Variants in PDE1C observed in about 807,000 individuals in gnomAD.
PDE1C encodes the protein dual specificity calcium/calmodulin-dependent 3',5'-cyclic nucleotide phosphodiesterase 1C.
A neutral mutation model predicts 93.1 loss-of-function variants in PDE1C; 62 were observed. The observed-to-expected ratio is 0.67, with a 90% CI of 0.54 to 0.82. PDE1C has a LOEUF of 0.82. Ranked by LOEUF, PDE1C falls within the 40% of genes least tolerant of loss-of-function variation. The probability of loss-of-function intolerance (pLI) is 0.00; values close to 1 mark genes in which losing one functional copy is unlikely to be tolerated. For missense variants in PDE1C, 742 were observed against 884.6 expected (o/e 0.84, Z 2.04); for synonymous variants, 325 against 310.1 (o/e 1.05, Z -0.50).
chr7:32,381,363 G>A (rs1784531282), intron 1 of PDE1C, among the ~76,000 whole-genome samples: 1 of 151,946 alleles, frequency 6.6e-6, no homozygotes, highest in Non-Finnish European at 1.5e-5. Context: ...TGCACCCTTG[G>A]GGAAGTTTCA....
At chr7:32,338,016 T>C (rs1241937222) in intron 1 of PDE1C, among the ~76,000 whole-genome samples, 1 of 152,088 alleles carries the variant, frequency 6.6e-6, no homozygotes, top group Non-Finnish European at 1.5e-5. Context: ...TAAACACTCA[T>C]AGAAGAAAAC....
intron 3 of PDE1C, among the ~76,000 whole-genome samples, chr7:32,134,067 A>C (rs1800073461): frequency 6.6e-6 from 1 of 152,092 alleles, no homozygotes; most frequent in South Asian, 2.1e-4. Context: ...AGATTTGGTG[A>C]ATTTGAAAAT....
chr7:32,264,931 A>T (rs1158937162), intron 1 of PDE1C, among the ~76,000 whole-genome samples: 1 of 152,210 alleles, frequency 6.6e-6, no homozygotes. Context: ...TTCACACTAC[A>T]ATGTCCTCTA....
At chr7:31,678,340 C>T in the PDE1C span, among the ~76,000 whole-genome samples, 1 of 151,950 alleles carries the variant, frequency 6.6e-6, no homozygotes, top group Non-Finnish European at 1.5e-5. Context: ...ATCATAAACC[C>T]GGTATAAAAT....
intron 1 of PDE1C, among the ~76,000 whole-genome samples, chr7:32,322,891 C>T (rs952019499): frequency 1.3e-5 from 2 of 152,086 alleles, no homozygotes; most frequent in African/African-American, 4.8e-5. Context: ...GGATTACAGG[C>T]GTGAGCCACC....
chr7:32,388,678 TAAAAAAAAAAAA>T (rs5883343), intron 1 of PDE1C, among the ~76,000 whole-genome samples: 46 of 81,576 alleles, frequency 5.6e-4, no homozygotes, highest in African/African-American at 2.1e-3. Context: ...GTCCCATTTC[TAAAAAAAAAAAA>T]AAAAAAAAAA....
chr7:31,898,723 T>C (rs889198855), intron 2 of PDE1C, among the ~76,000 whole-genome samples: 4 of 152,250 alleles, frequency 2.6e-5, no homozygotes, highest in Non-Finnish European at 4.4e-5. Context: ...TAAACACTTA[T>C]AGCAACCTCC....
At chr7:31,777,134 A>C (rs958941529) in intron 16 of PDE1C, among the ~76,000 whole-genome samples, 1 of 150,798 alleles carries the variant, frequency 6.6e-6, no homozygotes, top group Non-Finnish European at 1.5e-5. Context: ...TAAAACTTAA[A>C]GTATAATAAA....
At chr7:32,171,778 G>A (rs1422060008) in intron 2 of PDE1C, among the ~76,000 whole-genome samples, 2 of 150,242 alleles carry the variant, frequency 1.3e-5, no homozygotes, top group African/African-American at 4.9e-5. Context: ...TGTGCATTTT[G>A]TTACCTGAGG....
chr7:32,227,664 GT>G (rs1807393337), intron 1 of PDE1C, among the ~76,000 whole-genome samples: 1 of 152,122 alleles, frequency 6.6e-6, no homozygotes, highest in African/African-American at 2.4e-5. Context: ...CAAACCCTAT[GT>G]GCACTCTTCC....
At chr7:32,222,175 A>G (rs1228784366) in intron 1 of PDE1C, among the ~76,000 whole-genome samples, 3 of 152,142 alleles carry the variant, frequency 2.0e-5, no homozygotes, top group Non-Finnish European at 2.9e-5. Flanking sequence ...CACCTCCCCA[A>G]CATCAGATCA....
At chr7:32,172,562 C>T (rs146510624) in intron 2 of PDE1C, among the ~76,000 whole-genome samples, 3,783 of 152,134 alleles carry the variant, frequency 0.025, 170 homozygotes, top group African/African-American at 0.086. Flanking sequence ...GTGGCTCACG[C>T]CTGTAATCCC....
intron 1 of PDE1C, among the ~76,000 whole-genome samples, chr7:32,312,891 A>G (rs1324821450): frequency 6.6e-6 from 1 of 152,248 alleles, no homozygotes; most frequent in Non-Finnish European, 1.5e-5. Context: ...AACAAAAGCC[A>G]AAATTGACAA....
At chr7:31,753,595 C>T in intron 17 of PDE1C, 42 bp from the exon 18 acceptor site, 1 of 1,579,732 alleles carries the variant, frequency 6.3e-7, no homozygotes, top group Non-Finnish European at 8.6e-7. Context: ...GTTAGCCTCA[C>T]CCACGACATG....
intron 1 of PDE1C, among the ~76,000 whole-genome samples, chr7:32,335,974 G>GTC (rs1427751714): frequency 6.6e-6 from 1 of 152,098 alleles, no homozygotes; most frequent in East Asian, 1.9e-4. Flanking sequence ...ACAGGCATGA[G>GTC]TCACCACACC....
intron 17 of PDE1C, among the ~76,000 whole-genome samples, chr7:31,762,970 G>C (rs372305364): frequency 6.6e-6 from 1 of 152,118 alleles, no homozygotes; most frequent in Non-Finnish European, 1.5e-5. Context: ...TCTCAATCCC[G>C]GGTGCACATC....
chr7:32,046,213 TAAA>T (rs1010966269), intron 2 of PDE1C, among the ~76,000 whole-genome samples: 54 of 147,170 alleles, frequency 3.7e-4, no homozygotes, highest in East Asian at 1.6e-3. Context: ...GCCTTTTTTT[TAAA>T]AAAAAAAAAG....
chr7:32,302,136 C>T (rs1354132716), upstream of PDE1C, among the ~76,000 whole-genome samples: 6 of 152,126 alleles, frequency 3.9e-5, no homozygotes, highest in Non-Finnish European at 7.4e-5. Context: ...ACTATCTGGC[C>T]CTTTACATAA....
At chr7:32,345,811 C>A (rs2128081425) in intron 1 of PDE1C, among the ~76,000 whole-genome samples, 1 of 152,194 alleles carries the variant, frequency 6.6e-6, no homozygotes, top group East Asian at 1.9e-4. Context: ...ACCACCACAC[C>A]CTCTAGCAGA....
Sources: allele counts gnomAD v4.1 joint callset (sites outside exome capture counted in the v4.1 genomes callset), GRCh38; gene constraint gnomAD v4.1.1; transcripts MANE v1.5; gene names NCBI Gene and HGNC (gene_info 2026-07-23, HGNC 2026-07-21).